Variants in KIAA0825 observed in about 807,000 individuals in gnomAD.
The protein encoded by KIAA0825 is KIAA0825, also known as uncharacterized protein KIAA0825.
A neutral mutation model predicts 147.6 loss-of-function variants in KIAA0825; 119 were observed. That is an observed-to-expected ratio of 0.81 (90% CI 0.69 to 0.94). The LOEUF is 0.94. Among genes scored for constraint, KIAA0825 ranks in the 40% least tolerant of loss-of-function variants. The probability of loss-of-function intolerance (pLI) is 0.00; values close to 1 mark genes in which losing one functional copy is unlikely to be tolerated. For synonymous variants in KIAA0825, 470 were observed against 518.1 expected (o/e 0.91, Z 1.26); for missense variants, 1,381 against 1,472.7 (o/e 0.94, Z 1.02).
chr5:94,391,492 C>T, intron 18 of KIAA0825, 43 bp downstream of exon 18: 1 of 1,549,196 alleles, frequency 6.5e-7, no homozygotes, highest in Non-Finnish European at 8.7e-7. Context: ...CTGCCTCAGG[C>T]CAGTACACAC....
In KIAA0825 at chr5:94,520,699, C is replaced by T; in HGVS notation, c.519G>A (p.Val173=). 1 of 1,613,316 alleles carries T rather than the reference C, an allele frequency of 6.2e-7. No individual in the cohort carries two copies. The highest frequency in any genetic ancestry group is 8.5e-7 in the Non-Finnish European group (1 of 1,179,474). ...TTTCATTATGGCTTTGTAATTTGCT[C>T]ACTAAGAAGCGTCGAAGATGCAGTC... ...DIRLHLRRFL[V]SKLQSHNEIN... is the part of the protein sequence containing the mutation. The change falls in exon 5 of 21, where the codon GTG becomes GTA. Residue 173 remains valine, a synonymous_variant. Coordinates refer to ENST00000682413, the MANE Select transcript of KIAA0825 (RefSeq NM_001145678.3).
intron 2 of KIAA0825, among the ~76,000 whole-genome samples, chr5:94,578,321 C>G (rs1248067811): frequency 2.0e-5 from 3 of 152,010 alleles, no homozygotes; most frequent in Non-Finnish European, 4.4e-5. Context: ...GGCTTTAGAC[C>G]TCATTTGAGG....
intron 1 of KIAA0825, chr5:94,593,858 A>ATT: frequency 2.7e-6 from 1 of 370,046 alleles, no homozygotes; most frequent in Non-Finnish European, 5.5e-6. Context: ...TGAGATGTCC[A>ATT]TTCTGGCCTC....
At chr5:94,278,555 A>G (rs1777320567) in intron 20 of KIAA0825, among the ~76,000 whole-genome samples, 1 of 152,036 alleles carries the variant, frequency 6.6e-6, no homozygotes, top group African/African-American at 2.4e-5. Context: ...ACATGGATTG[A>G]CACTAAGTTG....
chr5:94,233,696 A>G (rs1029115842), intron 20 of KIAA0825, among the ~76,000 whole-genome samples: 2 of 152,212 alleles, frequency 1.3e-5, no homozygotes, highest in African/African-American at 4.8e-5. Flanking sequence ...GATTTCAACA[A>G]GTTGCTACAG....
chr5:94,199,658 A>G (rs1408238445), intron 20 of KIAA0825, among the ~76,000 whole-genome samples: 1 of 152,152 alleles, frequency 6.6e-6, no homozygotes, highest in African/African-American at 2.4e-5. Flanking sequence ...GGCAGTGGTG[A>G]GTTCCCCCAT....
intron 20 of KIAA0825, among the ~76,000 whole-genome samples, chr5:94,282,907 C>T (rs556755301): frequency 3.2e-4 from 49 of 151,828 alleles, no homozygotes; most frequent in African/African-American, 1.1e-3. Context: ...AAAAAAGAGA[C>T]AAAAGGTGTA....
In KIAA0825 at chr5:94,473,355, G is replaced by T; in HGVS notation, c.1392C>A (p.Val464=). 6.4e-7 allele frequency: 1 copy of T among 1,551,798 alleles called. No individual in the cohort carries two copies. Among genetic ancestry groups the T allele is most frequent in the South Asian group, 1.2e-5 (1 of 84,054 alleles). The part of the protein sequence containing the change: ...AVSYAMNLVN[V]QQVWQDSHMF... Reference sequence around the variant, plus strand: ...TATGGCTGTCTTGCCAAACTTGCTGGACATTTACAAGGTTCATAGCATAGC... The same window carrying T: ...TATGGCTGTCTTGCCAAACTTGCTGTACATTTACAAGGTTCATAGCATAGC... Residue 464 remains valine, a synonymous_variant, in exon 8 of 21, where the codon GTC becomes GTA. Transcript: ENST00000682413.
intron 14 of KIAA0825, among the ~76,000 whole-genome samples, chr5:94,439,579 A>C (rs1410698735): frequency 6.6e-6 from 1 of 152,174 alleles, no homozygotes; most frequent in East Asian, 1.9e-4. Context: ...GATACACTGA[A>C]ATTCCCAGTG....
chr5:94,170,706 C>G (rs73773581), intron 20 of KIAA0825, among the ~76,000 whole-genome samples: 2,792 of 152,162 alleles, frequency 0.018, 91 homozygotes, highest in African/African-American at 0.063. Flanking sequence ...TCAAAGCTTA[C>G]AAAACACTAC....
At chr5:94,184,587 A>G (rs992230538) in intron 20 of KIAA0825, among the ~76,000 whole-genome samples, 1 of 152,220 alleles carries the variant, frequency 6.6e-6, no homozygotes, top group Non-Finnish European at 1.5e-5. Context: ...TCTATATTCA[A>G]CAAAACCTCC....
At chr5:94,391,006 G>A (rs1749821263) in intron 18 of KIAA0825, among the ~76,000 whole-genome samples, 1 of 152,168 alleles carries the variant, frequency 6.6e-6, no homozygotes, top group Non-Finnish European at 1.5e-5. Flanking sequence ...AAGGTCAGAG[G>A]CAATGGGATA....
chr5:94,343,349 T>C (rs1782636606), intron 20 of KIAA0825, among the ~76,000 whole-genome samples: 1 of 152,170 alleles, frequency 6.6e-6, no homozygotes, highest in Non-Finnish European at 1.5e-5. Context: ...TATAAATCTT[T>C]ACTACATTGA....
At chr5:94,324,735 A>G (rs1442146618) in intron 20 of KIAA0825, among the ~76,000 whole-genome samples, 1 of 152,036 alleles carries the variant, frequency 6.6e-6, no homozygotes, top group Non-Finnish European at 1.5e-5. Flanking sequence ...TAATGAAAAG[A>G]AAATGAGACA....
chr5:94,272,998 A>G (rs1777060816), intron 20 of KIAA0825, among the ~76,000 whole-genome samples: 2 of 152,180 alleles, frequency 1.3e-5, no homozygotes, highest in Non-Finnish European at 2.9e-5. Flanking sequence ...TTAGGATGCA[A>G]ATTAATTGCT....
At chr5:94,407,019 G>GGTAGTGATACTGGTTGCT (rs1752153673) in intron 15 of KIAA0825, among the ~76,000 whole-genome samples, 1 of 152,136 alleles carries the variant, frequency 6.6e-6, no homozygotes, top group Non-Finnish European at 1.5e-5. Context: ...GGCTGCCTAA[G>GGTAGTGATACTGGTTGCT]GTAGTGATAC....
Position 94,387,698 on chromosome 5 carries a change from T to TA in KIAA0825, c.3457-1295dup, listed in dbSNP as rs377558263. ...CGACAGAGAGACTCCATCTCAAAAATAAAAAAAAAAAAAAGGAACTCCCAG... is the reference window on the plus strand; with the variant it reads ...CGACAGAGAGACTCCATCTCAAAAATAAAAAAAAAAAAAAAGGAACTCCCAG... On this transcript the variant is annotated intron_variant, in intron 18 of 20. Transcript: ENST00000682413. 6.8e-3 allele frequency among the ~76,000 whole-genome samples: 728 copies of TA among 107,330 alleles called. 4 individuals are homozygous for TA. Among genetic ancestry groups the TA allele is most frequent in the South Asian group, 0.029 (95 of 3,304 alleles). The allele number at this position is 107,330 out of a possible 152,430, so 70.4% of individuals were successfully genotyped here. A position where few individuals can be genotyped will look rare whatever the true frequency, so the allele number is the denominator to read the frequency against.
chr5:94,520,225 C>A, intron 5 of KIAA0825, 23 bp downstream of exon 5: 1 of 1,540,254 alleles, frequency 6.5e-7, no homozygotes, highest in Non-Finnish European at 8.7e-7. Context: ...TTAAACCAAA[C>A]AAAAATTTTA....
rs549213300 is a variant in KIAA0825 at position 94,185,371 on chromosome 5, A to G, written c.3711-31247T>C. ...TGAAGATTATTGATGCCTACTTATC[A>G]AAAGAATATGGTGTATGGTTGAGAG... is the stretch of plus-strand genomic sequence containing the variant. On this transcript the variant is annotated intron_variant, in intron 20 of 20. Transcript: ENST00000682413. Among the ~76,000 whole-genome samples, 4 of 152,324 alleles carry G rather than the reference A, an allele frequency of 2.6e-5. No homozygotes were observed. In the South Asian group the frequency reaches 8.3e-4, roughly 32 times the overall value.
Sources: allele counts gnomAD v4.1 joint callset (sites outside exome capture counted in the v4.1 genomes callset), GRCh38; gene constraint gnomAD v4.1.1; transcripts MANE v1.5; gene names NCBI Gene and HGNC (gene_info 2026-07-23, HGNC 2026-07-21).